The following AUTS2 variants were observed in gnomAD, a reference collection of about 807,000 sequenced individuals.
AUTS2 encodes activator of transcription and developmental regulator AUTS2, also known as autism susceptibility gene 2 protein.
In AUTS2, 17 loss-of-function variants were observed where a neutral mutation model predicts 112.4. The observed-to-expected ratio is 0.15, with a 90% CI of 0.10 to 0.23. AUTS2 has a LOEUF of 0.23. AUTS2 is among the 10% of genes least tolerant of loss of function. The pLI is 1.00. For missense variants in AUTS2, 1,510 were observed against 1,701.6 expected, an observed-to-expected ratio of 0.89 and a Z score of 1.98; for synonymous variants, 751 against 702.7, an observed-to-expected ratio of 1.07 and a Z score of -1.09.
intron 4 of AUTS2, among the ~76,000 whole-genome samples, chr7:70,249,982 TAA>T (rs1786510181): frequency 6.6e-6 from 1 of 150,454 alleles, no homozygotes; most frequent in Non-Finnish European, 1.5e-5. Context: ...ATATTTTACT[TAA>T]AACATAATTT....
chr7:69,706,599 T>C (rs1798070552), intron 1 of AUTS2, among the ~76,000 whole-genome samples: 1 of 152,252 alleles, frequency 6.6e-6, no homozygotes, highest in African/African-American at 2.4e-5. Context: ...GACTCAAATA[T>C]TTTGTTCTTC....
At chr7:70,622,783 T>C (rs1804747990) in intron 5 of AUTS2, among the ~76,000 whole-genome samples, 1 of 152,240 alleles carries the variant, frequency 6.6e-6, no homozygotes, top group Non-Finnish European at 1.5e-5. Context: ...ACGTCTTTCA[T>C]CGGCCTTTTT....
At chr7:70,081,967 C>T (rs545751541) in intron 2 of AUTS2, among the ~76,000 whole-genome samples, 1,319 of 131,134 alleles carry the variant, frequency 0.01, 22 homozygotes, top group African/African-American at 0.037. Flanking sequence ...TGTGTGTGTG[C>T]GCGCGCCTGT....
Position 70,567,888 on chromosome 7 carries a change from T to C in AUTS2, c.691-130681T>C, listed in dbSNP as rs141724776. Among the ~76,000 whole-genome samples the C allele has an allele frequency of 3.9e-3, 587 of 152,182 alleles. 4 individuals are homozygous for C. The highest frequency in any genetic ancestry group is 5.9e-3 in the Non-Finnish European group (401 of 68,000). Reference sequence around the variant, plus strand: ...CTGAAGAGGCCAAAGCAAATGCCAGTGAGGGTATAGCTCTCTAGGATCTCC... The same window carrying C: ...CTGAAGAGGCCAAAGCAAATGCCAGCGAGGGTATAGCTCTCTAGGATCTCC... On this transcript the variant is annotated intron_variant, in intron 5 of 18. Coordinates refer to ENST00000342771, the MANE Select transcript of AUTS2 (RefSeq NM_015570.4).
intron 5 of AUTS2, among the ~76,000 whole-genome samples, chr7:70,454,337 C>G (rs1406674454): frequency 2.0e-5 from 3 of 152,066 alleles, no homozygotes; most frequent in African/African-American, 7.2e-5. Context: ...GAGTTCGAGA[C>G]CAGCCTGGCC....
chr7:70,272,153 G>C (rs983869481), intron 4 of AUTS2, among the ~76,000 whole-genome samples: 1 of 151,428 alleles, frequency 6.6e-6, no homozygotes, highest in African/African-American at 2.4e-5. Flanking sequence ...ATGTATGAAA[G>C]AGCCAGGCTT....
chr7:70,255,323 C>T (rs375586283), intron 4 of AUTS2, among the ~76,000 whole-genome samples: 1 of 152,158 alleles, frequency 6.6e-6, no homozygotes, highest in African/African-American at 2.4e-5. Flanking sequence ...CCGCCCGCCT[C>T]AGCCTCCCAA....
At chr7:70,558,442 G>A (rs1223445702) in intron 5 of AUTS2, among the ~76,000 whole-genome samples, 1 of 152,098 alleles carries the variant, frequency 6.6e-6, no homozygotes, top group African/African-American at 2.4e-5. Flanking sequence ...CCACATGTGG[G>A]CACCTGGGGG....
At chr7:70,710,460 A>G (rs2129549445) in intron 6 of AUTS2, among the ~76,000 whole-genome samples, 1 of 152,334 alleles carries the variant, frequency 6.6e-6, no homozygotes, top group East Asian at 1.9e-4. Context: ...TAGTTCTTCA[A>G]GTTCATCTAG....
chr7:69,870,065 G>A (rs1488819025), intron 1 of AUTS2, among the ~76,000 whole-genome samples: 1 of 152,094 alleles, frequency 6.6e-6, no homozygotes, highest in Non-Finnish European at 1.5e-5. Context: ...AATATACTGT[G>A]GAAGCCTATT....
chr7:70,629,499 C>T (rs1382620198), intron 5 of AUTS2, among the ~76,000 whole-genome samples: 7 of 151,892 alleles, frequency 4.6e-5, no homozygotes, highest in Non-Finnish European at 7.4e-5. Context: ...AAAAAAAGCC[C>T]ACAGCTAAAA....
At position 70,452,962 on chromosome 7, in the gene AUTS2, T is replaced by G. The variant is rs562038608; in HGVS notation, c.690+17181T>G. Among the ~76,000 whole-genome samples the G allele has an allele frequency of 8.5e-5, 13 of 152,304 alleles. No individual in the cohort carries two copies. The South Asian group carries it at 1.9e-3, about 22-fold the overall frequency. Reference sequence around the variant, plus strand: ...TACTAATGTTGTGTGGTGTGAGATTTTAAGTATCTTCTCCAGCCTCCTGGG... The same window carrying G: ...TACTAATGTTGTGTGGTGTGAGATTGTAAGTATCTTCTCCAGCCTCCTGGG... On this transcript the variant is annotated intron_variant, in intron 5 of 18. Transcript: ENST00000342771.
At chr7:69,951,259 T>TC (rs1376340565) in intron 2 of AUTS2, among the ~76,000 whole-genome samples, 3 of 152,144 alleles carry the variant, frequency 2.0e-5, no homozygotes, top group Non-Finnish European at 4.4e-5. Context: ...GATCTCAACC[T>TC]CCTTCCAACC....
chr7:70,004,457 G>A (rs900213842), intron 2 of AUTS2, among the ~76,000 whole-genome samples: 16 of 144,586 alleles, frequency 1.1e-4, no homozygotes, highest in Non-Finnish European at 1.9e-4. Context: ...ATAAGCCATA[G>A]AGATTCAGAA....
chr7:69,621,449 A>C (rs1198557019), intron 1 of AUTS2, among the ~76,000 whole-genome samples: 1 of 144,620 alleles, frequency 6.9e-6, no homozygotes, highest in East Asian at 2.0e-4. Flanking sequence ...TTAAGCTTGC[A>C]CCTTATTACA....
At chr7:70,351,753 G>T (rs141289179) in intron 4 of AUTS2, among the ~76,000 whole-genome samples, 1 of 147,014 alleles carries the variant, frequency 6.8e-6, no homozygotes, top group Non-Finnish European at 1.5e-5. Context: ...CCAGGCTGGC[G>T]TGCAGTGGTG....
In AUTS2 at chr7:70,120,005, A is replaced by G. The variant is rs568584739; in HGVS notation, c.624+1772A>G. The G allele has an allele frequency of 1.2e-4, 18 of 152,282 alleles. No individual in the cohort carries two copies. In the South Asian group the frequency reaches 1.7e-3, roughly 14 times the overall value. 9.4% of individuals were successfully genotyped at this position (152,282 alleles called of 1,614,324 possible). On this transcript the variant is annotated intron_variant, in intron 3 of 18. Coordinates refer to ENST00000342771, the MANE Select transcript of AUTS2 (RefSeq NM_015570.4). ...AACGAGCGGGGAATAATTGATGTCTATAATTTTTAAATACGTGGATTTAAG... is the reference window on the plus strand; with the variant it reads ...AACGAGCGGGGAATAATTGATGTCTGTAATTTTTAAATACGTGGATTTAAG...
At chr7:70,349,538 C>G (rs1323669220) in intron 4 of AUTS2, among the ~76,000 whole-genome samples, 1 of 152,174 alleles carries the variant, frequency 6.6e-6, no homozygotes, top group Admixed American at 6.5e-5. Context: ...GTGCTCAAAA[C>G]CAGAATGTAA....
At chr7:70,245,532 T>C (rs1181287477) in intron 4 of AUTS2, among the ~76,000 whole-genome samples, 3 of 152,240 alleles carry the variant, frequency 2.0e-5, no homozygotes, top group African/African-American at 7.2e-5. Context: ...GTTTTTCTGC[T>C]GCTTAGTTGC....
Sources: gnomAD v4.1 joint callset for allele counts (sites outside exome capture counted in the v4.1 genomes callset) on GRCh38, gnomAD v4.1.1 for gene constraint, MANE v1.5 for transcripts, NCBI Gene and HGNC (gene_info 2026-07-23, HGNC 2026-07-21) for gene names.